Variants in CTNND2 observed in about 807,000 individuals in gnomAD.
The protein encoded by CTNND2 is catenin delta-2.
Under a neutral mutation model 144.4 loss-of-function variants are expected in CTNND2, and 22 were observed. The observed-to-expected ratio is 0.15, with a 90% CI of 0.11 to 0.22. The LOEUF is 0.22. Among genes scored for constraint, CTNND2 ranks in the 10% least tolerant of loss-of-function variants. The pLI, the probability that CTNND2 is intolerant of heterozygous loss-of-function variation, is 1.00. For synonymous variants in CTNND2, 751 were observed against 695.6 expected, an observed-to-expected ratio of 1.08 and a Z score of -1.25; for missense variants, 1,353 against 1,618.8, an observed-to-expected ratio of 0.84 and a Z score of 2.82.
intron 1 of CTNND2, among the ~76,000 whole-genome samples, chr5:11,747,094 G>T (rs1455181947): frequency 2.0e-5 from 3 of 151,890 alleles, no homozygotes; most frequent in Admixed American, 1.3e-4. Context: ...TAAGTTCTAG[G>T]GTTCATCTCT....
At chr5:11,576,917 T>C (rs937214290) in intron 2 of CTNND2, among the ~76,000 whole-genome samples, 3 of 152,264 alleles carry the variant, frequency 2.0e-5, no homozygotes, top group East Asian at 1.9e-4. Flanking sequence ...ATTTGACCAC[T>C]GGAAATCAAA....
chr5:11,536,424 A>C (rs1774223594), intron 3 of CTNND2, among the ~76,000 whole-genome samples: 1 of 151,906 alleles, frequency 6.6e-6, no homozygotes, highest in African/African-American at 2.4e-5. Flanking sequence ...ATACTTGCAC[A>C]CACATGTTTA....
rs181891627 is a variant in CTNND2, at chr5:11,630,946, C to T, written c.175-65890G>A. On this transcript the variant is annotated intron_variant, in intron 2 of 21. Transcript: ENST00000304623. The stretch of plus-strand genomic sequence containing the variant: ...CCCAGCATGGGCAACAAGAGCGAAA[C>T]TCCATCTCAAAAAAAAAAAAATACA... 1.1e-3 allele frequency among the ~76,000 whole-genome samples: 165 copies of T among 148,958 alleles called. 2 individuals carry two copies. Among genetic ancestry groups the T allele is most frequent in the African/African-American group, 3.6e-3 (143 of 39,226 alleles).
chr5:11,299,442 A>T (rs913318009), intron 9 of CTNND2, among the ~76,000 whole-genome samples: 2 of 152,140 alleles, frequency 1.3e-5, no homozygotes, highest in African/African-American at 4.8e-5. Context: ...AGAGGAGTGG[A>T]GCTCTTGACT....
chr5:11,630,505 C>T (rs148662188), intron 2 of CTNND2, among the ~76,000 whole-genome samples: 12 of 152,304 alleles, frequency 7.9e-5, no homozygotes, highest in African/African-American at 2.9e-4. Context: ...TCATCTTTTT[C>T]TTAAACTGCA....
intron 10 of CTNND2, among the ~76,000 whole-genome samples, chr5:11,228,949 T>G (rs550593294): frequency 6.6e-6 from 1 of 152,286 alleles, no homozygotes; most frequent in East Asian, 1.9e-4. Flanking sequence ...GGAAAGATTG[T>G]TAGGAGTTAA....
At chr5:11,808,195 T>C (rs1437976022) in intron 1 of CTNND2, among the ~76,000 whole-genome samples, 2 of 152,182 alleles carry the variant, frequency 1.3e-5, no homozygotes, top group Non-Finnish European at 2.9e-5. Context: ...ATTTAAACCA[T>C]AATGTGAAGA....
chr5:11,261,605 T>C (rs772006470), intron 9 of CTNND2, among the ~76,000 whole-genome samples: 1 of 152,248 alleles, frequency 6.6e-6, no homozygotes. Flanking sequence ...TGTGTTTCTC[T>C]AGCTCTGGAT....
chr5:11,383,919 C>G (rs913495336), intron 7 of CTNND2, among the ~76,000 whole-genome samples: 2 of 152,182 alleles, frequency 1.3e-5, no homozygotes, highest in African/African-American at 4.8e-5. Context: ...ACGGGCATAA[C>G]GACCACAGAA....
intron 8 of CTNND2, among the ~76,000 whole-genome samples, chr5:11,358,514 A>G (rs1285490008): frequency 6.6e-6 from 1 of 152,246 alleles, no homozygotes. Flanking sequence ...TTGCTCCAAT[A>G]GGAAGCACTT....
At chr5:11,106,318 G>C (rs545775237) in intron 14 of CTNND2, among the ~76,000 whole-genome samples, 1 of 152,288 alleles carries the variant, frequency 6.6e-6, no homozygotes, top group Admixed American at 6.5e-5. Context: ...TAGGAATAGG[G>C]GATTGGTTCG....
intron 8 of CTNND2, among the ~76,000 whole-genome samples, chr5:11,360,109 C>T (rs1170077192): frequency 6.6e-6 from 1 of 151,864 alleles, no homozygotes; most frequent in African/African-American, 2.4e-5. Flanking sequence ...TGAGTTGGTA[C>T]CCAAGATTTA....
chr5:11,632,219 G>GT (rs2126471461), intron 2 of CTNND2, among the ~76,000 whole-genome samples: 1 of 152,310 alleles, frequency 6.6e-6, no homozygotes, highest in South Asian at 2.1e-4. Context: ...AGCAGTTAGT[G>GT]AAGGTTAAGT....
chr5:11,213,989 C>A (rs915968578), intron 10 of CTNND2, among the ~76,000 whole-genome samples: 1 of 152,144 alleles, frequency 6.6e-6, no homozygotes, highest in Non-Finnish European at 1.5e-5. Flanking sequence ...CAATTTAAAG[C>A]TTGTAGCGTT....
intron 3 of CTNND2, among the ~76,000 whole-genome samples, chr5:11,519,913 C>A (rs111759924): frequency 6.6e-6 from 1 of 151,384 alleles, no homozygotes; most frequent in African/African-American, 2.4e-5. Flanking sequence ...CTGACACGGG[C>A]GGATCACCTA....
chr5:11,576,449 G>A (rs1047676412), intron 2 of CTNND2, among the ~76,000 whole-genome samples: 5 of 149,920 alleles, frequency 3.3e-5, no homozygotes, highest in Non-Finnish European at 7.4e-5. Flanking sequence ...ACTTATTACA[G>A]TACAGTTATA....
intron 3 of CTNND2, among the ~76,000 whole-genome samples, chr5:11,412,784 C>A (rs1761646989): frequency 6.6e-6 from 1 of 152,066 alleles, no homozygotes; most frequent in Admixed American, 6.6e-5. Context: ...TTCCTACAGG[C>A]CCCTTTTTTA....
At chr5:11,199,417 T>C in intron 11 of CTNND2, 31 bp downstream of exon 11, 3 of 1,574,436 alleles carry the variant, frequency 1.9e-6, no homozygotes, top group Non-Finnish European at 2.6e-6. Flanking sequence ...TATCTTGAGA[T>C]ATAATATAAT....
chr5:11,798,239 GT>G (rs1791502169), intron 1 of CTNND2, among the ~76,000 whole-genome samples: 2 of 148,436 alleles, frequency 1.3e-5, no homozygotes, highest in East Asian at 2.0e-4. Context: ...TCCAGCCTGG[GT>G]GACAGAGTGA....
Sources: allele counts gnomAD v4.1 joint callset (sites outside exome capture counted in the v4.1 genomes callset), GRCh38; gene constraint gnomAD v4.1.1; transcripts MANE v1.5; gene names NCBI Gene and HGNC (gene_info 2026-07-23, HGNC 2026-07-21).